AGBL4: variants seen among roughly 807,000 people sequenced by gnomAD.
AGBL4 encodes the protein cytosolic carboxypeptidase 6.
In AGBL4, 58 loss-of-function variants were observed where a neutral mutation model predicts 66.4. That is an observed-to-expected ratio of 0.87 (90% CI 0.71 to 1.09). The LOEUF (loss-of-function observed/expected upper bound fraction) is 1.09, where lower values mean the gene tolerates loss of function less well. AGBL4 is among the 50% of genes least tolerant of loss of function. AGBL4 has a pLI of 0.00. For missense variants in AGBL4, 579 were observed against 631.0 expected (o/e 0.92, Z 0.88); for synonymous variants, 234 against 222.9 (o/e 1.05, Z -0.44).
intron 3 of AGBL4, among the ~76,000 whole-genome samples, chr1:49,345,511 A>T (rs1264059782): frequency 2.6e-5 from 4 of 152,180 alleles, no homozygotes; most frequent in Admixed American, 1.3e-4. Flanking sequence ...GGAAAAAAAA[A>T]TTCCAGATCT....
intron 1 of AGBL4, among the ~76,000 whole-genome samples, chr1:49,882,697 A>G (rs559016114): frequency 3.7e-4 from 56 of 152,078 alleles, no homozygotes; most frequent in Non-Finnish European, 2.4e-4. Flanking sequence ...TTTGTCTGTT[A>G]TTGGTGTATA....
At chr1:49,598,471 A>G (rs989101544) in intron 3 of AGBL4, among the ~76,000 whole-genome samples, 2 of 152,300 alleles carry the variant, frequency 1.3e-5, no homozygotes, top group South Asian at 2.1e-4. Flanking sequence ...GGAGTTTGCT[A>G]GAGGTCCACT....
chr1:49,529,521 A>C (rs1650930083), intron 3 of AGBL4, among the ~76,000 whole-genome samples: 1 of 152,040 alleles, frequency 6.6e-6, no homozygotes, highest in Non-Finnish European at 1.5e-5. Flanking sequence ...TCTACTAAAA[A>C]TATAAAAATT....
chr1:49,137,733 AAC>A (rs1191457811), intron 4 of AGBL4, among the ~76,000 whole-genome samples: 1 of 152,142 alleles, frequency 6.6e-6, no homozygotes, highest in Non-Finnish European at 1.5e-5. Context: ...ATAAGAGAAT[AAC>A]ACAGAATCTC....
At chr1:48,537,289 T>C (rs1329271605) in intron 12 of AGBL4, among the ~76,000 whole-genome samples, 1 of 152,154 alleles carries the variant, frequency 6.6e-6, no homozygotes, top group Non-Finnish European at 1.5e-5. Flanking sequence ...AAGTTTTTTC[T>C]TAATTTAAAG....
chr1:49,672,935 A>G (rs575822335), intron 3 of AGBL4, among the ~76,000 whole-genome samples: 21 of 150,610 alleles, frequency 1.4e-4, no homozygotes, highest in Non-Finnish European at 2.7e-4. Flanking sequence ...AAAAAAAAAA[A>G]AAAAAAGAAA....
intron 1 of AGBL4, among the ~76,000 whole-genome samples, chr1:50,001,507 G>GTGTATA (rs144388144): frequency 1.4e-5 from 2 of 147,642 alleles, no homozygotes; most frequent in Non-Finnish European, 3.0e-5. Context: ...ATGTGTGTGT[G>GTGTATA]TATATATATA....
chr1:48,864,678 G>A (rs1432469047), intron 6 of AGBL4, among the ~76,000 whole-genome samples: 3 of 152,158 alleles, frequency 2.0e-5, no homozygotes, highest in Admixed American at 6.5e-5. Flanking sequence ...TTGATAGTGT[G>A]ATACCACAGG....
At chr1:49,125,649 C>T (rs1645749820) in intron 4 of AGBL4, among the ~76,000 whole-genome samples, 1 of 152,118 alleles carries the variant, frequency 6.6e-6, no homozygotes, top group Non-Finnish European at 1.5e-5. Context: ...GCTGATTGTA[C>T]ATTATAGATT....
At chr1:50,014,597 T>C (rs1661826024) in intron 1 of AGBL4, among the ~76,000 whole-genome samples, 1 of 144,350 alleles carries the variant, frequency 6.9e-6, no homozygotes, top group African/African-American at 2.6e-5. Flanking sequence ...TAGTCTCAGC[T>C]CACTGCAACC....
At chr1:49,778,113 CCCATCCTCCAT>C (rs1466116067) in intron 2 of AGBL4, among the ~76,000 whole-genome samples, 2 of 152,156 alleles carry the variant, frequency 1.3e-5, no homozygotes, top group African/African-American at 4.8e-5. Flanking sequence ...TAATTGGGCT[CCCATCCTCCAT>C]CCATCCTCCA....
intron 6 of AGBL4, among the ~76,000 whole-genome samples, chr1:48,823,379 G>A (rs1050255587): frequency 3.3e-5 from 5 of 152,152 alleles, no homozygotes; most frequent in Non-Finnish European, 7.4e-5. Flanking sequence ...CACACTCCAA[G>A]GTTGGCTAGA....
intron 11 of AGBL4, among the ~76,000 whole-genome samples, chr1:48,550,846 T>C (rs1297310458): frequency 6.6e-6 from 1 of 152,220 alleles, no homozygotes; most frequent in Non-Finnish European, 1.5e-5. Context: ...CAGATATGTC[T>C]AATTTCAGAG....
chr1:49,667,328 C>T (rs1448747119), intron 3 of AGBL4, among the ~76,000 whole-genome samples: 4 of 151,884 alleles, frequency 2.6e-5, no homozygotes, highest in African/African-American at 7.3e-5. Context: ...CATGGTGGCA[C>T]GTGCCTATAG....
In AGBL4 at chr1:48,829,702, T is replaced by C. The variant is rs558212703; in HGVS notation, c.634+37489A>G. Among the ~76,000 whole-genome samples, 60 of 151,672 alleles carry C rather than the reference T, an allele frequency of 4.0e-4. No individual in the cohort carries two copies. The South Asian group carries it at 6.5e-3, about 16-fold the overall frequency. ...TGTTTTTCCAGGAGTTAAACCACTT[T>C]GGAATGGAAAGCAGGAAAAAAAAAA... On this transcript the variant is annotated intron_variant, in intron 6 of 13. Coordinates refer to ENST00000371839, the MANE Select transcript of AGBL4 (RefSeq NM_032785.4).
At position 49,866,900 on chromosome 1, in the gene AGBL4, G is replaced by A. The variant is rs373754125; in HGVS notation, c.35-15382C>T. Among the ~76,000 whole-genome samples the A allele has an allele frequency of 3.2e-4, 49 of 151,534 alleles. 1 individual carries two copies. The South Asian group carries it at 9.6e-3, about 30-fold the overall frequency. Reference sequence around the variant, plus strand: ...TTATTTAACCATGTCCTCTAAAAATGTTCTTGGCGTGGGTCTCTGTGTGGT... The same window carrying A: ...TTATTTAACCATGTCCTCTAAAAATATTCTTGGCGTGGGTCTCTGTGTGGT... On this transcript the variant is annotated intron_variant, in intron 1 of 13. Transcript: ENST00000371839.
intron 6 of AGBL4, chr1:48,818,030 TA>T (rs1480303566): frequency 5.6e-6 from 4 of 709,306 alleles, no homozygotes; most frequent in African/African-American, 3.5e-5. Context: ...TTCCCGAGAT[TA>T]GGTCAAATTC....
intron 8 of AGBL4, among the ~76,000 whole-genome samples, chr1:48,645,540 C>T (rs748234894): frequency 3.3e-5 from 5 of 152,134 alleles, no homozygotes; most frequent in South Asian, 2.1e-4. Flanking sequence ...TCAGAAGAAG[C>T]GTGGTCCCCA....
chr1:49,861,953 C>T (rs1646583015), intron 1 of AGBL4, among the ~76,000 whole-genome samples: 1 of 152,146 alleles, frequency 6.6e-6, no homozygotes, highest in Non-Finnish European at 1.5e-5. Flanking sequence ...AAGACTAACA[C>T]TAAATACCTA....
Sources: gnomAD v4.1 joint callset for allele counts (sites outside exome capture counted in the v4.1 genomes callset) on GRCh38, gnomAD v4.1.1 for gene constraint, MANE v1.5 for transcripts, NCBI Gene and HGNC (gene_info 2026-07-23, HGNC 2026-07-21) for gene names.